Variants in TMEM108 observed in about 807,000 individuals in gnomAD.
TMEM108 encodes cancer/testis antigen 124.
A neutral mutation model predicts 35.1 loss-of-function variants in TMEM108; 12 were observed. The observed-to-expected ratio is 0.34, with a 90% CI of 0.22 to 0.55. The LOEUF is 0.55. Among genes scored for constraint, TMEM108 ranks in the 20% least tolerant of loss-of-function variants. The pLI, the probability that TMEM108 is intolerant of heterozygous loss-of-function variation, is 0.89. For synonymous variants in TMEM108, 287 were observed against 308.6 expected (o/e 0.93, Z 0.73); for missense variants, 680 against 753.3 (o/e 0.90, Z 1.14).
At chr3:133,310,297 T>A (rs982608439) in intron 3 of TMEM108, among the ~76,000 whole-genome samples, 7 of 152,254 alleles carry the variant, frequency 4.6e-5, no homozygotes, top group African/African-American at 1.2e-4. Flanking sequence ...ATATTGACAG[T>A]GGGTTGTTAA....
chr3:133,343,971 C>G (rs574790488), intron 3 of TMEM108, among the ~76,000 whole-genome samples: 1 of 151,950 alleles, frequency 6.6e-6, no homozygotes, highest in Admixed American at 6.6e-5. Flanking sequence ...CAAACCATAT[C>G]AAAAATATAG....
intron 2 of TMEM108, among the ~76,000 whole-genome samples, chr3:133,194,702 A>G (rs1434831093): frequency 6.6e-6 from 1 of 152,104 alleles, no homozygotes; most frequent in South Asian, 2.1e-4. Context: ...TTTCCTTTCT[A>G]ATAAGGAGCA....
intron 2 of TMEM108, among the ~76,000 whole-genome samples, chr3:133,128,993 C>A (rs562043038): frequency 1.3e-5 from 2 of 152,050 alleles, no homozygotes; most frequent in African/African-American, 4.8e-5. Context: ...TTAATATAGC[C>A]GGCCAGTAAT....
chr3:133,360,371 AAAAAG>A (rs1416114607), intron 3 of TMEM108, among the ~76,000 whole-genome samples: 3 of 152,182 alleles, frequency 2.0e-5, no homozygotes, highest in Non-Finnish European at 2.9e-5. Flanking sequence ...AGTTAATTTT[AAAAAG>A]AAAAGAAATG....
chr3:133,200,535 T>C (rs1945647720), intron 2 of TMEM108, among the ~76,000 whole-genome samples: 2 of 152,148 alleles, frequency 1.3e-5, no homozygotes, highest in Non-Finnish European at 2.9e-5. Context: ...ATACAGACTC[T>C]TCTCGTTGAA....
intron 2 of TMEM108, among the ~76,000 whole-genome samples, chr3:133,215,883 AGT>A (rs1945900782): frequency 6.6e-6 from 1 of 152,172 alleles, no homozygotes; most frequent in Admixed American, 6.5e-5. Flanking sequence ...TTGCTCAACC[AGT>A]ATCTCAACAT....
chr3:133,149,039 A>T (rs907952581), intron 2 of TMEM108, among the ~76,000 whole-genome samples: 1 of 151,970 alleles, frequency 6.6e-6, no homozygotes, highest in East Asian at 1.9e-4. Context: ...CAAATATTTA[A>T]CCTAGCTTAT....
At chr3:133,103,602 A>G (rs1288506384) in intron 2 of TMEM108, among the ~76,000 whole-genome samples, 1 of 152,180 alleles carries the variant, frequency 6.6e-6, no homozygotes, top group Non-Finnish European at 1.5e-5. Context: ...AAAAAATGTT[A>G]GATCACCTCA....
chr3:133,236,987 C>T (rs1231258665), intron 3 of TMEM108, among the ~76,000 whole-genome samples: 1 of 152,012 alleles, frequency 6.6e-6, no homozygotes, highest in African/African-American at 2.4e-5. Flanking sequence ...GGAGCTCCTC[C>T]CTCCTTAGCT....
intron 3 of TMEM108, among the ~76,000 whole-genome samples, chr3:133,254,862 G>A (rs1471506222): frequency 6.6e-6 from 1 of 152,150 alleles, no homozygotes; most frequent in Non-Finnish European, 1.5e-5. Context: ...TGGCCTGAAG[G>A]CTGAAGTGAC....
chr3:133,285,944 C>T (rs567127341), intron 3 of TMEM108, among the ~76,000 whole-genome samples: 20 of 152,268 alleles, frequency 1.3e-4, no homozygotes, highest in East Asian at 9.6e-4. Context: ...GGAGGGGGCA[C>T]CTCATGACAT....
intron 2 of TMEM108, among the ~76,000 whole-genome samples, chr3:133,223,695 A>G (rs1247472161): frequency 6.6e-6 from 1 of 152,236 alleles, no homozygotes; most frequent in East Asian, 1.9e-4. Flanking sequence ...CATCATTAGA[A>G]TAGTAAGTTA....
chr3:133,159,526 A>T (rs1944930868), intron 2 of TMEM108, among the ~76,000 whole-genome samples: 1 of 152,128 alleles, frequency 6.6e-6, no homozygotes, highest in South Asian at 2.1e-4. Flanking sequence ...TTTTTCCAGG[A>T]GCAGCACTAC....
chr3:133,299,396 A>G (rs1393709252), intron 3 of TMEM108, among the ~76,000 whole-genome samples: 1 of 152,162 alleles, frequency 6.6e-6, no homozygotes, highest in Non-Finnish European at 1.5e-5. Flanking sequence ...CGTGTTCTCT[A>G]GAATTTCTGT....
chr3:133,129,470 A>G (rs532564468), intron 2 of TMEM108, among the ~76,000 whole-genome samples: 11 of 152,120 alleles, frequency 7.2e-5, no homozygotes, highest in African/African-American at 2.4e-4. Context: ...AATATTTTCC[A>G]TTAAAACAAT....
intron 5 of TMEM108, among the ~76,000 whole-genome samples, chr3:133,395,352 T>C (rs1225813198): frequency 6.6e-6 from 1 of 152,188 alleles, no homozygotes; most frequent in East Asian, 1.9e-4. Context: ...ACAGGTCTGT[T>C]AGATCCTGAC....
At chr3:133,319,258 C>T (rs541723333) in intron 3 of TMEM108, among the ~76,000 whole-genome samples, 2 of 152,306 alleles carry the variant, frequency 1.3e-5, no homozygotes, top group East Asian at 1.9e-4. Flanking sequence ...CTACCTGTCC[C>T]GGTAGCCAAT....
chr3:133,320,660 G>T (rs1241500958), intron 3 of TMEM108, among the ~76,000 whole-genome samples: 1 of 152,148 alleles, frequency 6.6e-6, no homozygotes, highest in Non-Finnish European at 1.5e-5. Flanking sequence ...AATACAAGAA[G>T]CTCGAAGGAA....
At chr3:133,093,654 C>G (rs1374363304) in intron 2 of TMEM108, among the ~76,000 whole-genome samples, 1 of 152,126 alleles carries the variant, frequency 6.6e-6, no homozygotes, top group African/African-American at 2.4e-5. Context: ...TCTGAGTGGT[C>G]TGGAATTATG....
Sources: gnomAD v4.1 joint callset for allele counts (sites outside exome capture counted in the v4.1 genomes callset) on GRCh38, gnomAD v4.1.1 for gene constraint, MANE v1.5 for transcripts, NCBI Gene and HGNC (gene_info 2026-07-23, HGNC 2026-07-21) for gene names.